SGCZ: variants seen among roughly 807,000 people sequenced by gnomAD.
SGCZ encodes zeta-sarcoglycan.
Under a neutral mutation model 41.3 loss-of-function variants are expected in SGCZ, and 40 were observed. The observed-to-expected ratio is 0.97, with a 90% CI of 0.75 to 1.26. SGCZ has a LOEUF of 1.26. SGCZ is among the 50% of genes most tolerant of loss of function. The probability of loss-of-function intolerance (pLI) is 0.00; values close to 1 mark genes in which losing one functional copy is unlikely to be tolerated. For synonymous variants in SGCZ, 206 were observed against 137.5 expected (o/e 1.50, Z -3.49); for missense variants, 552 against 369.8 (o/e 1.49, Z -4.04).
At chr8:14,416,206 A>G (rs1456731865) in intron 2 of SGCZ, among the ~76,000 whole-genome samples, 1 of 151,892 alleles carries the variant, frequency 6.6e-6, no homozygotes, top group Non-Finnish European at 1.5e-5. Context: ...GAGGAAACAC[A>G]TTCTTGCCAG....
rs141134224 is a variant in SGCZ at position 14,462,923 on chromosome 8, T to C, written c.234+91809A>G. On this transcript the variant is annotated intron_variant, in intron 2 of 7. Transcript: ENST00000382080. ...ACAAATGTATCACCTCCTTGGTTAA[T>C]TTCTATTTCATTATTTCTGATGCTA... 4.5e-3 allele frequency among the ~76,000 whole-genome samples: 683 copies of C among 151,906 alleles called. 8 individuals are homozygous for C. Among genetic ancestry groups the C allele is most frequent in the African/African-American group, 0.015 (628 of 41,520 alleles).
At chr8:14,301,814 T>C (rs543578073) in intron 3 of SGCZ, among the ~76,000 whole-genome samples, 150 of 152,296 alleles carry the variant, frequency 9.8e-4, no homozygotes, top group Non-Finnish European at 1.4e-3. Context: ...GTTATGACTT[T>C]ATAGTATTTT....
intron 3 of SGCZ, among the ~76,000 whole-genome samples, chr8:14,245,031 A>T (rs1799036126): frequency 6.6e-6 from 1 of 152,174 alleles, no homozygotes; most frequent in Non-Finnish European, 1.5e-5. Context: ...CAATCATGTC[A>T]TCTGCAAACT....
At chr8:14,911,729 A>G (rs1464452368) in intron 1 of SGCZ, among the ~76,000 whole-genome samples, 1 of 151,902 alleles carries the variant, frequency 6.6e-6, no homozygotes, top group Non-Finnish European at 1.5e-5. Flanking sequence ...GTTTAAAAAT[A>G]TTTATATATA....
chr8:14,103,220 C>T (rs1410994138), intron 6 of SGCZ, among the ~76,000 whole-genome samples: 1 of 151,944 alleles, frequency 6.6e-6, no homozygotes, highest in Non-Finnish European at 1.5e-5. Flanking sequence ...GTGTTTTAGA[C>T]AGTCAGAGTT....
At position 14,470,523 on chromosome 8, in the gene SGCZ, A is replaced by C. The variant is rs565022444; in HGVS notation, c.234+84209T>G. On this transcript the variant is annotated intron_variant, in intron 2 of 7. Transcript: ENST00000382080. ...AGCACAGCAAGAATTAAAGTTATTT[A>C]ATTCCAGACCCAATATTCCTAACCC... Among the ~76,000 whole-genome samples, 11 of 152,318 alleles carry C rather than the reference A, an allele frequency of 7.2e-5. No individual in the cohort carries two copies. In the South Asian group the frequency reaches 2.1e-3, roughly 29 times the overall value.
At chr8:14,417,746 A>G (rs1241543684) in intron 2 of SGCZ, among the ~76,000 whole-genome samples, 1 of 151,858 alleles carries the variant, frequency 6.6e-6, no homozygotes, top group Non-Finnish European at 1.5e-5. Context: ...AAAAAAGGTA[A>G]CTATGTAAGG....
chr8:14,235,929 C>T lies in SGCZ; in HGVS notation c.424+1663G>A, dbSNP rs557192766. Among the ~76,000 whole-genome samples the T allele has an allele frequency of 2.4e-3, 373 of 152,246 alleles. 1 individual carries two copies. Among genetic ancestry groups the T allele is most frequent in the Non-Finnish European group, 4.3e-3 (294 of 68,018 alleles). ...CGATTTCTTGACCTCATGATCCGCC[C>T]GCCTTGGCCTCCCAAAGCGCTGGGA... On this transcript the variant is annotated intron_variant, in intron 4 of 7. Coordinates refer to ENST00000382080, the MANE Select transcript of SGCZ (RefSeq NM_139167.4).
chr8:14,971,156 T>C (rs1563400603), intron 1 of SGCZ, among the ~76,000 whole-genome samples: 2 of 152,350 alleles, frequency 1.3e-5, no homozygotes, highest in East Asian at 3.9e-4. Flanking sequence ...TAGTAACTTT[T>C]TAAAATATTT....
chr8:14,608,964 A>T (rs1263913180), intron 1 of SGCZ, among the ~76,000 whole-genome samples: 1 of 152,224 alleles, frequency 6.6e-6, no homozygotes, highest in Non-Finnish European at 1.5e-5. Context: ...GAATACGAAA[A>T]AAACCAGAAT....
At chr8:14,211,642 A>G (rs921261532) in intron 4 of SGCZ, among the ~76,000 whole-genome samples, 1 of 147,284 alleles carries the variant, frequency 6.8e-6, no homozygotes, top group South Asian at 2.1e-4. Flanking sequence ...TCTTACCACA[A>G]TTAAGCAGGA....
intron 1 of SGCZ, among the ~76,000 whole-genome samples, chr8:14,654,326 C>T (rs1807492906): frequency 6.6e-6 from 1 of 151,970 alleles, no homozygotes; most frequent in Non-Finnish European, 1.5e-5. Context: ...TCTGATGCTA[C>T]CTTGAGCAAT....
intron 1 of SGCZ, among the ~76,000 whole-genome samples, chr8:14,805,733 A>G (rs1445498304): frequency 6.6e-6 from 1 of 152,124 alleles, no homozygotes; most frequent in Non-Finnish European, 1.5e-5. Context: ...AGCGGACGTA[A>G]TAGACATCTA....
At chr8:15,130,731 G>A (rs1482088850) in intron 1 of SGCZ, among the ~76,000 whole-genome samples, 1 of 152,132 alleles carries the variant, frequency 6.6e-6, no homozygotes, top group Non-Finnish European at 1.5e-5. Flanking sequence ...ATAATTGTAA[G>A]CATTACAAGC....
chr8:14,199,147 G>T (rs1165448592), intron 4 of SGCZ, among the ~76,000 whole-genome samples: 1 of 152,174 alleles, frequency 6.6e-6, no homozygotes, highest in East Asian at 1.9e-4. Context: ...AAAGCAAATG[G>T]GAGAAATACT....
At chr8:14,978,458 G>A (rs1029389502) in intron 1 of SGCZ, among the ~76,000 whole-genome samples, 13 of 98,982 alleles carry the variant, frequency 1.3e-4, no homozygotes, top group Admixed American at 3.1e-4. Flanking sequence ...AGGACCGAGT[G>A]AGACACCGTC....
rs541490722 is a variant in SGCZ, at chr8:14,530,645, A to G, written c.234+24087T>C. Among the ~76,000 whole-genome samples the G allele has an allele frequency of 1.1e-3, 160 of 151,562 alleles. 1 individual carries two copies. Among genetic ancestry groups the G allele is most frequent in the African/African-American group, 3.8e-3 (157 of 41,298 alleles). ...AAAGTAAAATGAATCATCAAAAACC[A>G]GTTAAATGACTTCAGAACTATATAA... On this transcript the variant is annotated intron_variant, in intron 2 of 7. Transcript: ENST00000382080.
intron 2 of SGCZ, among the ~76,000 whole-genome samples, chr8:14,332,231 C>T (rs1036271380): frequency 9.9e-5 from 15 of 152,028 alleles, no homozygotes; most frequent in African/African-American, 3.4e-4. Context: ...TTCAGGAGAT[C>T]GAGACCATCC....
chr8:14,515,619 C>T (rs1802597761), intron 2 of SGCZ, among the ~76,000 whole-genome samples: 1 of 152,014 alleles, frequency 6.6e-6, no homozygotes, highest in African/African-American at 2.4e-5. Context: ...ATGCAATAAA[C>T]ATCATAAGTG....
Sources: allele counts gnomAD v4.1 joint callset (sites outside exome capture counted in the v4.1 genomes callset), GRCh38; gene constraint gnomAD v4.1.1; transcripts MANE v1.5; gene names NCBI Gene and HGNC (gene_info 2026-07-23, HGNC 2026-07-21).